The following SEMA6D variants were observed in gnomAD, a reference collection of about 807,000 sequenced individuals.
SEMA6D encodes the protein semaphorin 6D.
In SEMA6D, 35 loss-of-function variants were observed where a neutral mutation model predicts 106.6. That is an observed-to-expected ratio of 0.33 (90% CI 0.25 to 0.44). SEMA6D has a LOEUF of 0.44. Ranked by LOEUF, SEMA6D falls within the 20% of genes least tolerant of loss-of-function variation. SEMA6D has a pLI of 1.00. For synonymous variants in SEMA6D, 499 were observed against 487.7 expected, an observed-to-expected ratio of 1.02 and a Z score of -0.31; for missense variants, 1,185 against 1,345.9, an observed-to-expected ratio of 0.88 and a Z score of 1.87.
chr15:47,600,569 T>C (rs1367365776), intron 3 of SEMA6D, among the ~76,000 whole-genome samples: 1 of 152,172 alleles, frequency 6.6e-6, no homozygotes, highest in South Asian at 2.1e-4. Context: ...ATGTTTCACA[T>C]GCACAGTGTC....
At chr15:47,463,496 C>T (rs1454278397) in intron 2 of SEMA6D, among the ~76,000 whole-genome samples, 3 of 152,130 alleles carry the variant, frequency 2.0e-5, no homozygotes, top group South Asian at 2.1e-4. Context: ...GTTTCTCAAC[C>T]CTTTGCAATG....
intron 1 of SEMA6D, among the ~76,000 whole-genome samples, chr15:47,186,711 T>G (rs1033617945): frequency 1.3e-5 from 2 of 152,162 alleles, no homozygotes; most frequent in African/African-American, 4.8e-5. Flanking sequence ...CTAATGAAGA[T>G]TAAGACATGA....
chr15:47,656,259 TCTGTTGACAAAAA>T (rs2077791823), intron 4 of SEMA6D, among the ~76,000 whole-genome samples: 1 of 152,194 alleles, frequency 6.6e-6, no homozygotes. Flanking sequence ...TATGTATTGA[TCTGTTGACAAAAA>T]TGTGACCAGA....
rs551069395 is a variant in SEMA6D, at chr15:47,289,820, C to A, written c.-239+105402C>A. Among the ~76,000 whole-genome samples, 22 of 151,898 alleles carry A rather than the reference C, an allele frequency of 1.4e-4. No individual in the cohort carries two copies. In the South Asian group the frequency reaches 4.6e-3, roughly 32 times the overall value. On this transcript the variant is annotated intron_variant, in intron 1 of 19. Transcript: ENST00000558014. ...ATGGAATGTGAGCACTCAGCCCCAG[C>A]CTTATGCATTCTAGATCACCATCTG... is the stretch of plus-strand genomic sequence containing the variant.
chr15:47,590,555 T>A (rs2076420514), intron 3 of SEMA6D, among the ~76,000 whole-genome samples: 1 of 151,526 alleles, frequency 6.6e-6, no homozygotes, highest in Non-Finnish European at 1.5e-5. Context: ...AATAAGCAAA[T>A]TAATACACAA....
At chr15:47,283,371 T>C (rs1566971968) in intron 1 of SEMA6D, among the ~76,000 whole-genome samples, 1 of 152,214 alleles carries the variant, frequency 6.6e-6, no homozygotes, top group Non-Finnish European at 1.5e-5. Flanking sequence ...ACAAGCTGTT[T>C]GGCATTGCGA....
At chr15:47,425,347 C>A (rs1595963851) in intron 2 of SEMA6D, among the ~76,000 whole-genome samples, 2 of 151,862 alleles carry the variant, frequency 1.3e-5, no homozygotes, top group African/African-American at 4.8e-5. Flanking sequence ...GACAGAAAGT[C>A]CCTGATTCTG....
At chr15:47,256,952 C>T (rs1031958643) in intron 1 of SEMA6D, among the ~76,000 whole-genome samples, 1 of 152,054 alleles carries the variant, frequency 6.6e-6, no homozygotes, top group African/African-American at 2.4e-5. Context: ...CAAATCAGAA[C>T]AACATAATTG....
At chr15:47,762,018 T>A (rs957267054) in intron 7 of SEMA6D, among the ~76,000 whole-genome samples, 182 bp from the exon 8 acceptor site, 1 of 152,178 alleles carries the variant, frequency 6.6e-6, no homozygotes, top group Non-Finnish European at 1.5e-5. Flanking sequence ...TAGATCCCTG[T>A]AAAATTAGAT....
At chr15:47,471,201 AG>A (rs1371134408) in intron 3 of SEMA6D, among the ~76,000 whole-genome samples, 1 of 152,138 alleles carries the variant, frequency 6.6e-6, no homozygotes, top group East Asian at 1.9e-4. Context: ...TGGGTGACTG[AG>A]TGGACTTCAT....
In SEMA6D at chr15:47,768,686, T is replaced by G. The variant is rs554085061; in HGVS notation, c.1871T>G (p.Phe624Cys). ...WRPKLTSSRK[F>C]VVQDDPNTSD... The stretch of plus-strand genomic sequence containing the variant: ...CCTAAACTGACAAGCTCTCGGAAAT[T>G]TGTAGTTCAAGATGATCCAAACACT... Residue 624 changes from phenylalanine (F) to cysteine (C), a missense_variant, in exon 18 of 19, where the codon TTT becomes TGT. Coordinates refer to ENST00000536845, the MANE Select transcript of SEMA6D (RefSeq NM_001358351.3). The G allele has an allele frequency of 6.2e-7, 1 of 1,613,684 alleles. No individual in the cohort carries two copies. The highest frequency in any genetic ancestry group is 1.7e-4 in the Middle Eastern group (1 of 6,054).
At chr15:47,566,655 T>G (rs539693620) in intron 3 of SEMA6D, among the ~76,000 whole-genome samples, 3 of 152,352 alleles carry the variant, frequency 2.0e-5, no homozygotes, top group African/African-American at 7.2e-5. Flanking sequence ...ATCTGGACTG[T>G]ACCACTTACA....
At chr15:47,503,995 A>C (rs1656608) in intron 3 of SEMA6D, among the ~76,000 whole-genome samples, 69,674 of 151,926 alleles carry the variant, frequency 0.46, 17,269 homozygotes, top group East Asian at 0.82. Context: ...GGTAAAGGAG[A>C]CAGAGAACCT....
chr15:47,323,561 G>C (rs2037009069), intron 1 of SEMA6D, among the ~76,000 whole-genome samples: 1 of 152,164 alleles, frequency 6.6e-6, no homozygotes, highest in Admixed American at 6.5e-5. Flanking sequence ...CCAGTCGAGA[G>C]AGAAAGTGGA....
At chr15:47,340,524 A>C (rs1207544677) in intron 1 of SEMA6D, among the ~76,000 whole-genome samples, 1 of 152,164 alleles carries the variant, frequency 6.6e-6, no homozygotes, top group East Asian at 1.9e-4. Flanking sequence ...TGCTGTCAGG[A>C]GAAAAGAATA....
At chr15:47,435,292 C>CTGTT in intron 2 of SEMA6D, among the ~76,000 whole-genome samples, 2 of 152,194 alleles carry the variant, frequency 1.3e-5, no homozygotes, top group Middle Eastern at 3.4e-3. Context: ...GTTTGTGAAT[C>CTGTT]ATCAATCCCT....
At chr15:47,369,414 G>T (rs768576986) in intron 1 of SEMA6D, among the ~76,000 whole-genome samples, 4 of 152,292 alleles carry the variant, frequency 2.6e-5, no homozygotes, top group Admixed American at 1.3e-4. Flanking sequence ...AAAAATCTTA[G>T]AAAATTGTCG....
At chr15:47,276,987 T>C (rs2034847659) in intron 1 of SEMA6D, among the ~76,000 whole-genome samples, 1 of 152,122 alleles carries the variant, frequency 6.6e-6, no homozygotes, top group Admixed American at 6.6e-5. Flanking sequence ...ATGGATGACC[T>C]TGAGGGGTTA....
chr15:47,654,315 T>C (rs970819851), intron 4 of SEMA6D, among the ~76,000 whole-genome samples: 1 of 152,218 alleles, frequency 6.6e-6, no homozygotes, highest in Non-Finnish European at 1.5e-5. Flanking sequence ...TTCCCAAAAC[T>C]TAATTACCAA....
Sources: allele counts gnomAD v4.1 joint callset (sites outside exome capture counted in the v4.1 genomes callset), GRCh38; gene constraint gnomAD v4.1.1; transcripts MANE v1.5; gene names NCBI Gene and HGNC (gene_info 2026-07-23, HGNC 2026-07-21).